MORC3: variants seen among roughly 807,000 people sequenced by gnomAD.
MORC3 encodes the protein MORC family CW-type zinc finger 3.
A neutral mutation model predicts 109.1 loss-of-function variants in MORC3; 31 were observed. That is an observed-to-expected ratio of 0.28 (90% CI 0.21 to 0.38). The LOEUF (loss-of-function observed/expected upper bound fraction) is 0.38, where lower values mean the gene tolerates loss of function less well. MORC3 is among the 10% of genes least tolerant of loss of function. The probability of loss-of-function intolerance (pLI) is 1.00; values close to 1 mark genes in which losing one functional copy is unlikely to be tolerated. For missense variants in MORC3, 867 were observed against 1,135.8 expected (o/e 0.76, Z 3.40); for synonymous variants, 395 against 380.7 (o/e 1.04, Z -0.44).
Position 36,337,024 on chromosome 21 carries a change from A to T in MORC3, c.245+18A>T. 6.2e-7 allele frequency: 1 copy of T among 1,602,124 alleles called. No individual in the cohort carries two copies. Among genetic ancestry groups the T allele is most frequent in the Non-Finnish European group, 8.5e-7 (1 of 1,176,164 alleles). On this transcript the variant is annotated intron_variant, in intron 3 of 16. Transcript: ENST00000400485. ...ATGCTAAGGTAGGTAAAAATGTGCC[A>T]CACTTCTTAAAATTGTTGCTTTTAC...
intron 16 of MORC3, 141 bp from the exon 17 acceptor site, chr21:36,375,002 C>A (rs1043741948): frequency 2.2e-5 from 17 of 786,908 alleles, no homozygotes; most frequent in Admixed American, 6.7e-5. Flanking sequence ...AAATTGAGTT[C>A]TCTAGGGGAG....
chr21:36,361,960 C>T lies in MORC3; in HGVS notation c.1407-223C>T, dbSNP rs939595864. 125 of 585,718 alleles carry T rather than the reference C, an allele frequency of 2.1e-4. 1 individual carries two copies. The highest frequency in any genetic ancestry group is 2.2e-4 in the Non-Finnish European group (71 of 326,018). The allele number at this position is 585,718 out of a possible 1,614,324, so 36.3% of individuals were successfully genotyped here. A position where few individuals can be genotyped will look rare whatever the true frequency, so the allele number is the denominator to read the frequency against. On this transcript the variant is annotated intron_variant, in intron 12 of 16. Coordinates refer to ENST00000400485, the MANE Select transcript of MORC3 (RefSeq NM_015358.3). ...TATCTGGTCTTAGTGGAGAAAAAAA[C>T]ACCAAAGATCTGCAGTTTATACCGG...
chr21:36,368,727 A>AT (rs1316722918), intron 14 of MORC3, among the ~76,000 whole-genome samples: 3 of 152,192 alleles, frequency 2.0e-5, no homozygotes, highest in Non-Finnish European at 4.4e-5. Flanking sequence ...AAATATAAAA[A>AT]TTAGCTGGAC....
rs944705120 is a variant in MORC3, at chr21:36,320,247, C to A, written c.-18C>A. On this transcript the variant is annotated 5_prime_UTR_variant, in exon 1 of 17. Transcript: ENST00000400485. ...GGGTTGCGGCGGAGGCCGTTCCTGG[C>A]TTTGTAGCTCGCTCAAGATGGCGGC... The A allele has an allele frequency of 1.3e-6, 2 of 1,575,170 alleles. No homozygotes were observed. The highest frequency in any genetic ancestry group is 2.7e-5 in the African/African-American group (2 of 73,754).
intron 13 of MORC3, 26 bp from the exon 14 acceptor site, chr21:36,364,067 A>C (rs1177202961): frequency 1.2e-6 from 2 of 1,606,668 alleles, no homozygotes; most frequent in African/African-American, 1.3e-5. Context: ...TAGTTCCTTT[A>C]AGGTGATGAT....
At chr21:36,358,472 T>C (rs1170639376) in intron 10 of MORC3, among the ~76,000 whole-genome samples, 1 of 151,542 alleles carries the variant, frequency 6.6e-6, no homozygotes, top group East Asian at 2.0e-4. Flanking sequence ...TAAGTCTACA[T>C]AGGCTGTATC....
chr21:36,325,163 A>G (rs2085235356), intron 1 of MORC3, among the ~76,000 whole-genome samples: 1 of 152,230 alleles, frequency 6.6e-6, no homozygotes, highest in Non-Finnish European at 1.5e-5. Flanking sequence ...GTAGACCATA[A>G]AAAATGGGAA....
In MORC3 at chr21:36,337,887, A is replaced by G. The variant is rs2085391596; in HGVS notation, c.401A>G (p.Tyr134Cys). ...AGCGTGGGCCTTTTGTCTCAGACCT[A>G]CTTGGAAGTCATAAAAGCGGAGCAT... ...SMSVGLLSQT[Y>C]LEVIKAEHVV... Residue 134 changes from tyrosine (Y) to cysteine (C), a missense_variant, in exon 4 of 17, where the codon TAC becomes TGC. Tyr to Cys is a radical substitution (Grantham distance 194, BLOSUM62 -2). This residue lies in a region of MORC3 where 134 missense variants were observed against 166.6 expected (regional missense o/e 0.80). Coordinates refer to ENST00000400485, the MANE Select transcript of MORC3 (RefSeq NM_015358.3). 2.5e-6 allele frequency: 4 copies of G among 1,614,066 alleles called. No individual in the cohort carries two copies. The highest frequency in any genetic ancestry group is 3.4e-6 in the Non-Finnish European group (4 of 1,180,042).
At chr21:36,354,312 TTTCTTTCTTTC>T (rs1490831136) in intron 9 of MORC3, among the ~76,000 whole-genome samples, 170 of 109,362 alleles carry the variant, frequency 1.6e-3, no homozygotes, top group Non-Finnish European at 2.5e-3. Flanking sequence ...GTTTTCTTTC[TTTCTTTCTTTC>T]TTTTTTTTTT....
rs747214087 is a variant in MORC3, at chr21:36,375,210, C to A, written c.2734C>A (p.Leu912Ile). 2 of 1,613,900 alleles carry A rather than the reference C, an allele frequency of 1.2e-6. No homozygotes were observed. The highest frequency in any genetic ancestry group is 2.2e-5 in the South Asian group (2 of 91,052). The change falls in exon 17 of 17, where the codon CTT becomes ATT. Residue 912 changes from leucine to isoleucine, a missense_variant. This residue lies in a region of MORC3 where 34 missense variants were observed against 35.2 expected (regional missense o/e 0.97). Coordinates refer to ENST00000400485, the MANE Select transcript of MORC3 (RefSeq NM_015358.3). ...LLAMIVPDLDLQQVNYDVDVV... is the reference protein window; with the variant it reads ...LLAMIVPDLDIQQVNYDVDVV... ...GGCTATGATTGTGCCTGATCTTGAT[C>A]TTCAGCAAGTGAATTACGATGTTGA...
intron 1 of MORC3, among the ~76,000 whole-genome samples, chr21:36,332,787 TTTC>T (rs2085330754): frequency 1.3e-5 from 1 of 79,810 alleles, no homozygotes; most frequent in Admixed American, 1.4e-4. Context: ...ATTGGAACTC[TTTC>T]TTTTTTTTTT....
At chr21:36,333,058 A>G (rs937778479) in intron 1 of MORC3, among the ~76,000 whole-genome samples, 2 of 152,122 alleles carry the variant, frequency 1.3e-5, no homozygotes, top group Non-Finnish European at 2.9e-5. Context: ...AAGTGGTGGG[A>G]TTACAGGCAT....
chr21:36,323,879 GT>G (rs533635032), intron 1 of MORC3, among the ~76,000 whole-genome samples: 85 of 143,810 alleles, frequency 5.9e-4, no homozygotes, highest in East Asian at 1.2e-3. Flanking sequence ...TTACCATAGT[GT>G]TTTTTTTTTT....
At chr21:36,357,328 A>G (rs1397838314) in intron 10 of MORC3, among the ~76,000 whole-genome samples, 1 of 152,216 alleles carries the variant, frequency 6.6e-6, no homozygotes, top group East Asian at 1.9e-4. Context: ...TTCATAATTT[A>G]TACATTATTA....
intron 7 of MORC3, 54 bp from the exon 8 acceptor site, chr21:36,344,858 G>A: frequency 6.2e-7 from 1 of 1,604,868 alleles, no homozygotes; most frequent in Non-Finnish European, 8.5e-7. Context: ...AAATAGAAAG[G>A]ATGATTTGAA....
intron 2 of MORC3, 142 bp downstream of exon 2, chr21:36,333,860 G>T: frequency 1.5e-6 from 1 of 653,976 alleles, no homozygotes; most frequent in Non-Finnish European, 2.6e-6. Context: ...TCGGCTCACT[G>T]CAAGCTCTGC....
At chr21:36,342,973 C>T (rs538036024) in intron 6 of MORC3, among the ~76,000 whole-genome samples, 148 of 151,340 alleles carry the variant, frequency 9.8e-4, no homozygotes, top group Non-Finnish European at 2.0e-3. Context: ...GAGCCAAGAC[C>T]GCACCATTAC....
chr21:36,328,432 A>G (rs1056946033), intron 1 of MORC3, among the ~76,000 whole-genome samples: 4 of 143,862 alleles, frequency 2.8e-5, no homozygotes, highest in Admixed American at 7.5e-5. Flanking sequence ...GTCTCCACCT[A>G]CTGGGTTCAA....
intron 8 of MORC3, 135 bp downstream of exon 8, chr21:36,345,166 A>C: frequency 1.1e-6 from 1 of 947,192 alleles, no homozygotes; most frequent in Non-Finnish European, 1.5e-6. Flanking sequence ...ATTTGTAAAA[A>C]ATAACACTGT....
Sources: gnomAD v4.1 joint callset for allele counts (sites outside exome capture counted in the v4.1 genomes callset) on GRCh38, gnomAD v4.1.1 for gene constraint, gnomAD v4.1.1 regional missense constraint, MANE v1.5 for transcripts, NCBI Gene and HGNC (gene_info 2026-07-23, HGNC 2026-07-21) for gene names.